Variants in HCRTR2 observed in about 807,000 individuals in gnomAD.
HCRTR2 encodes orexin receptor type 2.
A neutral mutation model predicts 49.0 loss-of-function variants in HCRTR2; 22 were observed. The ratio of observed to expected loss-of-function variants is 0.45; its 90% CI spans 0.32 to 0.64. HCRTR2 has a LOEUF of 0.64. Ranked by LOEUF, HCRTR2 falls within the 30% of genes least tolerant of loss-of-function variation. The probability of loss-of-function intolerance (pLI) is 0.04; values close to 1 mark genes in which losing one functional copy is unlikely to be tolerated. For missense variants in HCRTR2, 491 were observed against 559.4 expected (o/e 0.88, Z 1.23); for synonymous variants, 236 against 205.3 (o/e 1.15, Z -1.28).
At chr6:55,198,649 G>A (rs1002198246) in intron 1 of HCRTR2, among the ~76,000 whole-genome samples, 12 of 152,006 alleles carry the variant, frequency 7.9e-5, no homozygotes, top group Non-Finnish European at 4.4e-5. Context: ...GTGGAATCAG[G>A]GTCTTTGAAT....
intron 1 of HCRTR2, among the ~76,000 whole-genome samples, chr6:55,135,759 C>T (rs563208087): frequency 1.3e-5 from 2 of 152,262 alleles, no homozygotes; most frequent in Non-Finnish European, 2.9e-5. Context: ...AAAGAATTTA[C>T]ATACTCAAGG....
chr6:55,264,544 A>T (rs1484886854), intron 4 of HCRTR2, among the ~76,000 whole-genome samples: 1 of 152,076 alleles, frequency 6.6e-6, no homozygotes, highest in African/African-American at 2.4e-5. Context: ...ATGCAGGGCG[A>T]AAATTACTTT....
At chr6:55,173,962 A>G (rs1224994836), upstream of HCRTR2, among the ~76,000 whole-genome samples, 1 of 152,144 alleles carries the variant, frequency 6.6e-6, no homozygotes, top group Non-Finnish European at 1.5e-5. Context: ...TGCTTGAGAA[A>G]CACAGAGGCA....
intron 1 of HCRTR2, among the ~76,000 whole-genome samples, chr6:55,148,987 C>T (rs1356249299): frequency 1.3e-5 from 2 of 151,902 alleles, no homozygotes; most frequent in Non-Finnish European, 2.9e-5. Context: ...CTACATATTG[C>T]CATAAAATGT....
At chr6:55,217,036 C>A (rs1352980667) in intron 1 of HCRTR2, among the ~76,000 whole-genome samples, 2 of 152,092 alleles carry the variant, frequency 1.3e-5, no homozygotes, top group African/African-American at 4.8e-5. Flanking sequence ...GTGAGGTAAG[C>A]TACACTTGGA....
At chr6:55,260,186 T>A (rs1766728053) in intron 3 of HCRTR2, among the ~76,000 whole-genome samples, 1 of 152,190 alleles carries the variant, frequency 6.6e-6, no homozygotes, top group African/African-American at 2.4e-5. Context: ...AATTTACCTC[T>A]CAAATCTACT....
rs560470954 is a variant in HCRTR2 at position 55,278,501 on chromosome 6, G to T, written c.983+901G>T. 3.3e-5 allele frequency among the ~76,000 whole-genome samples: 5 copies of T among 152,150 alleles called. No individual in the cohort carries two copies. The South Asian group carries it at 1.0e-3, about 32-fold the overall frequency. On this transcript the variant is annotated intron_variant, in intron 5 of 6. Coordinates refer to ENST00000370862, the MANE Select transcript of HCRTR2 (RefSeq NM_001384272.1). ...GTCAGAAGAAGTGGTATAATCAGCC[G>T]CAAAGGGTTCTCATTCTCTTTGGCC...
At chr6:55,268,988 G>A (rs974067124) in intron 4 of HCRTR2, among the ~76,000 whole-genome samples, 2 of 151,334 alleles carry the variant, frequency 1.3e-5, no homozygotes, top group Non-Finnish European at 1.5e-5. Flanking sequence ...TGCTCAGGAG[G>A]CTGAGGCAGG....
intron 1 of HCRTR2, among the ~76,000 whole-genome samples, chr6:55,176,174 T>C (rs903490856): frequency 2.0e-5 from 3 of 152,154 alleles, no homozygotes; most frequent in African/African-American, 4.8e-5. Context: ...GAATAGATGA[T>C]AGTATGTGAA....
chr6:55,131,275 T>A (rs998788748), intron 1 of HCRTR2, among the ~76,000 whole-genome samples: 1 of 151,822 alleles, frequency 6.6e-6, no homozygotes, highest in Non-Finnish European at 1.5e-5. Context: ...GATTTTACCT[T>A]TTCAGATTTT....
At chr6:55,111,094 T>G (rs938100799) in intron 1 of HCRTR2, among the ~76,000 whole-genome samples, 1 of 151,938 alleles carries the variant, frequency 6.6e-6, no homozygotes, top group Non-Finnish European at 1.5e-5. Flanking sequence ...TGCAAATACA[T>G]GGAAATTAAA....
intron 1 of HCRTR2, among the ~76,000 whole-genome samples, chr6:55,154,937 CA>C (rs772107550): frequency 1.3e-5 from 2 of 151,652 alleles, no homozygotes; most frequent in Non-Finnish European, 3.0e-5. Context: ...ATAATAGCAA[CA>C]AACTATTTCA....
chr6:55,111,109 G>A (rs532202843), intron 1 of HCRTR2, among the ~76,000 whole-genome samples: 183 of 151,898 alleles, frequency 1.2e-3, no homozygotes, highest in Non-Finnish European at 1.9e-3. Context: ...ATTAAATAAC[G>A]TGCTCCTGAA....
chr6:55,172,089 A>G (rs1011174554), upstream of HCRTR2, among the ~76,000 whole-genome samples: 1 of 152,210 alleles, frequency 6.6e-6, no homozygotes, highest in African/African-American at 2.4e-5. Flanking sequence ...AAAGCCACAG[A>G]AGGCCTACTT....
chr6:55,284,539 G>A (rs767151775), downstream of HCRTR2, among the ~76,000 whole-genome samples: 3 of 152,236 alleles, frequency 2.0e-5, no homozygotes, highest in East Asian at 1.9e-4. Flanking sequence ...TTATCTGCCT[G>A]TGTGAAATAA....
At chr6:55,177,774 T>C (rs981520067) in intron 1 of HCRTR2, among the ~76,000 whole-genome samples, 1 of 152,142 alleles carries the variant, frequency 6.6e-6, no homozygotes, top group Non-Finnish European at 1.5e-5. Flanking sequence ...CTTCTCCCCA[T>C]AGTCCCTCTT....
intron 1 of HCRTR2, among the ~76,000 whole-genome samples, chr6:55,206,831 T>C (rs957860255): frequency 1.3e-5 from 2 of 152,054 alleles, no homozygotes; most frequent in African/African-American, 4.8e-5. Context: ...GGCAAAATAA[T>C]TGCATAATTA....
At chr6:55,208,577 T>A (rs1581830652) in intron 1 of HCRTR2, among the ~76,000 whole-genome samples, 1 of 152,178 alleles carries the variant, frequency 6.6e-6, no homozygotes, top group African/African-American at 2.4e-5. Context: ...AGATTATGTC[T>A]TTTGATGGAA....
chr6:55,114,282 A>G (rs1269051405), intron 1 of HCRTR2, among the ~76,000 whole-genome samples: 9 of 93,826 alleles, frequency 9.6e-5, no homozygotes, highest in Non-Finnish European at 1.9e-4. Flanking sequence ...ATGAAAAAAT[A>G]AAATATATCA....
Sources: gnomAD v4.1 joint callset for allele counts (sites outside exome capture counted in the v4.1 genomes callset) on GRCh38, gnomAD v4.1.1 for gene constraint, MANE v1.5 for transcripts, NCBI Gene and HGNC (gene_info 2026-07-23, HGNC 2026-07-21) for gene names.